The following FAM13A variants were observed in gnomAD, a reference collection of about 807,000 sequenced individuals.
FAM13A encodes family with sequence similarity 13 member A, also known as protein FAM13A.
A neutral mutation model predicts 129.6 loss-of-function variants in FAM13A; 76 were observed. The ratio of observed to expected loss-of-function variants is 0.59; its 90% CI spans 0.49 to 0.71. The LOEUF (loss-of-function observed/expected upper bound fraction) is 0.71. Ranked by LOEUF, FAM13A falls within the 30% of genes least tolerant of loss-of-function variation. The pLI, the probability that FAM13A is intolerant of heterozygous loss-of-function variation, is 0.00. For synonymous variants in FAM13A, 443 were observed against 449.9 expected, an observed-to-expected ratio of 0.98 and a Z score of 0.20; for missense variants, 1,108 against 1,249.3, an observed-to-expected ratio of 0.89 and a Z score of 1.70.
intron 8 of FAM13A, among the ~76,000 whole-genome samples, chr4:88,800,584 C>T (rs1364771397): frequency 6.7e-6 from 1 of 150,088 alleles, no homozygotes; most frequent in Non-Finnish European, 1.5e-5. Context: ...ACTCTGGAGG[C>T]TGAGGCAGGA....
intron 2 of FAM13A, among the ~76,000 whole-genome samples, chr4:89,021,310 T>C (rs1560833808): frequency 6.6e-6 from 1 of 152,206 alleles, no homozygotes; most frequent in Non-Finnish European, 1.5e-5. Context: ...TGTTACGCTG[T>C]GAAACCAATG....
intron 2 of FAM13A, among the ~76,000 whole-genome samples, chr4:89,028,197 C>A (rs571834522): frequency 6.4e-4 from 94 of 146,314 alleles, no homozygotes; most frequent in Middle Eastern, 7.3e-3. Flanking sequence ...CAAAAGCTAA[C>A]CTCCGTCTCA....
chr4:89,023,684 C>T lies in FAM13A; in HGVS notation c.218-3015G>A, dbSNP rs559667888. 3.3e-5 allele frequency among the ~76,000 whole-genome samples: 5 copies of T among 152,286 alleles called. No individual in the cohort carries two copies. The South Asian group carries it at 1.0e-3, about 32-fold the overall frequency. On this transcript the variant is annotated intron_variant, in intron 2 of 23. Transcript: ENST00000264344. ...GTCTCTGTCCCATTTATCTGAACAACTCTTTTCCCTCAGGATTATCTCCCA... is the reference window on the plus strand; with the variant it reads ...GTCTCTGTCCCATTTATCTGAACAATTCTTTTCCCTCAGGATTATCTCCCA...
At chr4:88,755,580 G>A (rs1431581063) in intron 14 of FAM13A, among the ~76,000 whole-genome samples, 1 of 152,178 alleles carries the variant, frequency 6.6e-6, no homozygotes, top group Non-Finnish European at 1.5e-5. Flanking sequence ...AACTGACATT[G>A]TTTAGAAAGA....
chr4:88,742,799 C>A (rs1740536121), intron 19 of FAM13A, among the ~76,000 whole-genome samples: 1 of 152,180 alleles, frequency 6.6e-6, no homozygotes, highest in African/African-American at 2.4e-5. Context: ...TTCTGCTGCC[C>A]ACTAAGAATA....
At chr4:88,822,330 T>G (rs1272574798) in intron 7 of FAM13A, among the ~76,000 whole-genome samples, 1 of 151,886 alleles carries the variant, frequency 6.6e-6, no homozygotes, top group Non-Finnish European at 1.5e-5. Context: ...TTTCTCTGCT[T>G]TGGTATAACT....
chr4:88,873,583 T>C (rs979590021), intron 6 of FAM13A, among the ~76,000 whole-genome samples: 1 of 152,168 alleles, frequency 6.6e-6, no homozygotes, highest in African/African-American at 2.4e-5. Context: ...CTCCCAAGAC[T>C]AACCCAGGAA....
chr4:88,806,488 C>T (rs1728585481), intron 7 of FAM13A, among the ~76,000 whole-genome samples: 1 of 152,146 alleles, frequency 6.6e-6, no homozygotes. Context: ...GTAAAACACA[C>T]ACAAGCAAAC....
intron 7 of FAM13A, among the ~76,000 whole-genome samples, chr4:88,807,133 C>T (rs1408844112): frequency 2.0e-5 from 3 of 152,144 alleles, no homozygotes; most frequent in African/African-American, 7.2e-5. Flanking sequence ...GGAAAATTAA[C>T]ATGGTTACTG....
intron 4 of FAM13A, among the ~76,000 whole-genome samples, chr4:88,976,387 A>T (rs1760904444): frequency 6.6e-6 from 1 of 152,168 alleles, no homozygotes; most frequent in Non-Finnish European, 1.5e-5. Context: ...AAGGCTGGTT[A>T]TTCACTAGAG....
intron 6 of FAM13A, among the ~76,000 whole-genome samples, chr4:88,856,358 C>A (rs1007055508): frequency 6.6e-6 from 1 of 151,928 alleles, no homozygotes; most frequent in Non-Finnish European, 1.5e-5. Flanking sequence ...GTAGAGTCCA[C>A]CTGTAGTCCC....
Position 89,025,245 on chromosome 4 carries a change from G to GTTTTTTT in FAM13A, c.217+4208_217+4214dup, listed in dbSNP as rs56710705. On this transcript the variant is annotated intron_variant, in intron 2 of 23. Transcript: ENST00000264344. ...GCTAAAGGTTAACCATGGAATCATT[G>GTTTTTTT]TTTTTTTTTTTTTTTTTTTTTTTTT... Among the ~76,000 whole-genome samples the GTTTTTTT allele has an allele frequency of 7.7e-3, 473 of 61,366 alleles. 98 individuals carry two copies. The highest frequency in any genetic ancestry group is 0.012 in the Non-Finnish European group (371 of 30,804). 40.3% of individuals were successfully genotyped at this position (61,366 alleles called of 152,430 possible). A position where few individuals can be genotyped will look rare whatever the true frequency, so the allele number is the denominator to read the frequency against.
At chr4:88,890,785 G>T (rs542227504) in intron 6 of FAM13A, among the ~76,000 whole-genome samples, 84 of 152,192 alleles carry the variant, frequency 5.5e-4, no homozygotes, top group Admixed American at 1.2e-3. Context: ...AAAAGAGAAG[G>T]TCTCAAAAGA....
intron 7 of FAM13A, among the ~76,000 whole-genome samples, chr4:88,846,622 C>G (rs1475286841): frequency 6.6e-6 from 1 of 152,216 alleles, no homozygotes; most frequent in Non-Finnish European, 1.5e-5. Flanking sequence ...CTTGTTAAAG[C>G]ATATCCCTCC....
In FAM13A at chr4:88,739,020, T is replaced by C; in HGVS notation, c.2562+10A>G. ...GTGTTGTACCAGCCACGGGAAGGTA[T>C]TCTACTCACAATGATGGGTATGGTG... On this transcript the variant is annotated intron_variant, in intron 20 of 23. Coordinates refer to ENST00000264344, the MANE Select transcript of FAM13A (RefSeq NM_014883.4). 1 of 1,586,108 alleles carries C rather than the reference T, an allele frequency of 6.3e-7. No homozygotes were observed. The highest frequency in any genetic ancestry group is 1.1e-5 in the South Asian group (1 of 90,484).
intron 13 of FAM13A, among the ~76,000 whole-genome samples, chr4:88,760,842 G>A (rs1194650186): frequency 1.3e-5 from 2 of 151,966 alleles, no homozygotes; most frequent in Non-Finnish European, 2.9e-5. Flanking sequence ...CCTGGGTTGC[G>A]GGGGAGGGGT....
intron 1 of FAM13A, among the ~76,000 whole-genome samples, chr4:89,031,749 C>T (rs2149134119): frequency 6.6e-6 from 1 of 152,284 alleles, no homozygotes; most frequent in East Asian, 1.9e-4. Flanking sequence ...CATTTCATTG[C>T]TGAATATTCT....
intron 6 of FAM13A, among the ~76,000 whole-genome samples, chr4:88,873,735 C>T (rs1164437736): frequency 6.6e-6 from 1 of 152,198 alleles, no homozygotes; most frequent in African/African-American, 2.4e-5. Flanking sequence ...GGTACCATTC[C>T]TTCTGAAACT....
rs779944373 is a variant in FAM13A, at chr4:89,020,432, A to C, written c.427+28T>G. ...GTGCCCAGCCTAGTAAAGTTGTTTT[A>C]ACTCCTAAAAGGATTTATTGTACTA... is the stretch of plus-strand genomic sequence containing the variant. On this transcript the variant is annotated intron_variant, in intron 3 of 23. Transcript: ENST00000264344. The C allele has an allele frequency of 7.0e-6, 11 of 1,573,118 alleles. No individual in the cohort carries two copies. The East Asian group carries it at 2.0e-4, about 29-fold the overall frequency.
Sources: allele counts gnomAD v4.1 joint callset (sites outside exome capture counted in the v4.1 genomes callset), GRCh38; gene constraint gnomAD v4.1.1; transcripts MANE v1.5; gene names NCBI Gene and HGNC (gene_info 2026-07-23, HGNC 2026-07-21).